The following SAMSN1 variants were observed in gnomAD, a reference collection of about 807,000 sequenced individuals.
The protein encoded by SAMSN1 is SAM domain, SH3 domain and nuclear localization signals 1.
A neutral mutation model predicts 42.0 loss-of-function variants in SAMSN1; 31 were observed. That is an observed-to-expected ratio of 0.74 (90% CI 0.55 to 1.00). The LOEUF is 1.00. SAMSN1 is among the 50% of genes least tolerant of loss of function. The pLI is 0.00. For missense variants in SAMSN1, 464 were observed against 439.4 expected (o/e 1.06, Z -0.50); for synonymous variants, 178 against 151.9 (o/e 1.17, Z -1.26).
At chr21:14,592,101 G>C (rs1270595737) in intron 7 of SAMSN1, 1 of 152,164 alleles carries the variant, frequency 6.6e-6, no homozygotes, top group African/African-American at 2.4e-5. Flanking sequence ...AATGGGGGTT[G>C]TGTTGATTTA....
intron 1 of SAMSN1, 136 bp downstream of exon 1, chr21:14,546,069 T>C: frequency 1.5e-6 from 1 of 688,644 alleles, no homozygotes; most frequent in Non-Finnish European, 2.3e-6. Context: ...TTTTTCCGTA[T>C]TTGCCATGAG....
At chr21:14,512,073 A>G (rs2122986451) in intron 4 of SAMSN1, among the ~76,000 whole-genome samples, 1 of 152,310 alleles carries the variant, frequency 6.6e-6, no homozygotes, top group South Asian at 2.1e-4. Context: ...GGAGCAGAAA[A>G]TAAATTTCAT....
chr21:14,609,269 C>T (rs1982642480), intron 5 of SAMSN1, among the ~76,000 whole-genome samples: 1 of 151,912 alleles, frequency 6.6e-6, no homozygotes, highest in African/African-American at 2.4e-5. Flanking sequence ...GTACATGTGT[C>T]TATGTGATAT....
chr21:14,606,164 T>C (rs1240807785), intron 5 of SAMSN1, among the ~76,000 whole-genome samples: 1 of 152,084 alleles, frequency 6.6e-6, no homozygotes, highest in African/African-American at 2.4e-5. Flanking sequence ...TTAAAGTAAG[T>C]TTGCAGCAGT....
At chr21:14,539,040 A>C (rs1199089640) in intron 1 of SAMSN1, among the ~76,000 whole-genome samples, 1 of 152,176 alleles carries the variant, frequency 6.6e-6, no homozygotes, top group Non-Finnish European at 1.5e-5. Context: ...TGTGGGATCC[A>C]TGTCTTTCTA....
chr21:14,539,329 A>G (rs989576727), intron 1 of SAMSN1, among the ~76,000 whole-genome samples: 1 of 152,222 alleles, frequency 6.6e-6, no homozygotes, highest in Non-Finnish European at 1.5e-5. Context: ...AGGGTATTCA[A>G]TTAAGAAAAG....
intron 6 of SAMSN1, among the ~76,000 whole-genome samples, chr21:14,499,222 T>A (rs568423553): frequency 6.6e-6 from 1 of 152,342 alleles, no homozygotes; most frequent in Non-Finnish European, 1.5e-5. Context: ...TTTCTCAGCA[T>A]GTATATTTTG....
chr21:14,492,995 T>G (rs1986758241), intron 7 of SAMSN1, among the ~76,000 whole-genome samples: 1 of 152,216 alleles, frequency 6.6e-6, no homozygotes, highest in Non-Finnish European at 1.5e-5. Flanking sequence ...CAGGCTATGC[T>G]GGCACACTGT....
At chr21:14,634,379 A>G (rs1036700422) in intron 2 of SAMSN1, among the ~76,000 whole-genome samples, 2 of 152,154 alleles carry the variant, frequency 1.3e-5, no homozygotes, top group Non-Finnish European at 2.9e-5. Context: ...TGAACAGGCA[A>G]TCTACAGAAT....
At chr21:14,577,344 A>C (rs1167613746) in intron 2 of SAMSN1, among the ~76,000 whole-genome samples, 1 of 134,540 alleles carries the variant, frequency 7.4e-6, no homozygotes, top group Non-Finnish European at 1.6e-5. Context: ...CGATCTCCTG[A>C]CCTCATGATC....
upstream of SAMSN1, among the ~76,000 whole-genome samples, chr21:14,548,305 A>G (rs1431795904): frequency 9.2e-5 from 14 of 152,192 alleles, no homozygotes; most frequent in Admixed American, 9.2e-4. Context: ...TCATTTCAGT[A>G]ATGTTTTATG....
chr21:14,617,592 C>A (rs902308846), intron 2 of SAMSN1, among the ~76,000 whole-genome samples: 1 of 152,166 alleles, frequency 6.6e-6, no homozygotes, highest in Non-Finnish European at 1.5e-5. Flanking sequence ...ATCCATCATC[C>A]TGAGTCTCAT....
At chr21:14,616,719 C>T (rs558656079) in intron 2 of SAMSN1, among the ~76,000 whole-genome samples, 1 of 152,226 alleles carries the variant, frequency 6.6e-6, no homozygotes, top group East Asian at 1.9e-4. Context: ...TGAAAGGCAA[C>T]CGATTGTGTT....
upstream of SAMSN1, among the ~76,000 whole-genome samples, chr21:14,549,943 T>C (rs755528263): frequency 8.6e-5 from 13 of 151,338 alleles, no homozygotes; most frequent in Admixed American, 3.9e-4. Context: ...AAAAAAACTC[T>C]TTCTTTCTCA....
At chr21:14,638,841 CAG>C (rs1399623582) in intron 2 of SAMSN1, among the ~76,000 whole-genome samples, 2 of 152,180 alleles carry the variant, frequency 1.3e-5, no homozygotes, top group Non-Finnish European at 2.9e-5. Flanking sequence ...TTCTAAGTGA[CAG>C]AGCTAGAAAG....
upstream of SAMSN1, among the ~76,000 whole-genome samples, chr21:14,549,516 C>A (rs1205052217): frequency 6.6e-6 from 1 of 152,046 alleles, no homozygotes; most frequent in East Asian, 1.9e-4. Context: ...CTGGGTCAAC[C>A]ATGACCAAGG....
chr21:14,618,654 GTA>G (rs1452692581), intron 2 of SAMSN1, among the ~76,000 whole-genome samples: 2,435 of 67,440 alleles, frequency 0.036, 61 homozygotes, highest in African/African-American at 0.13. Flanking sequence ...CCACAGCTGT[GTA>G]TGTGTGTGTG....
At chr21:14,572,228 G>A (rs1277453628) in intron 2 of SAMSN1, among the ~76,000 whole-genome samples, 1 of 152,116 alleles carries the variant, frequency 6.6e-6, no homozygotes, top group East Asian at 1.9e-4. Context: ...TAGGTGTCAG[G>A]TACAGTTAAA....
intron 1 of SAMSN1, among the ~76,000 whole-genome samples, chr21:14,541,186 C>T (rs1044798283): frequency 4.0e-5 from 6 of 151,878 alleles, no homozygotes; most frequent in Admixed American, 6.6e-5. Context: ...ATGTAAATGA[C>T]GAGTTAATGG....
Sources: allele counts gnomAD v4.1 joint callset (sites outside exome capture counted in the v4.1 genomes callset), GRCh38; gene constraint gnomAD v4.1.1; transcripts MANE v1.5; gene names NCBI Gene and HGNC (gene_info 2026-07-23, HGNC 2026-07-21).